Variants in RCC1L observed in about 807,000 individuals in gnomAD.
RCC1L encodes the protein RCC1 like, also known as RCC1-like G exchanging factor-like protein.
A neutral mutation model predicts 58.6 loss-of-function variants in RCC1L; 46 were observed. The observed-to-expected ratio is 0.79, with a 90% CI of 0.62 to 1.00. The LOEUF (loss-of-function observed/expected upper bound fraction) is 1.00. Ranked by LOEUF, RCC1L falls within the 50% of genes least tolerant of loss-of-function variation. The pLI, the probability that RCC1L is intolerant of heterozygous loss-of-function variation, is 0.00. For missense variants in RCC1L, 636 were observed against 623.6 expected (o/e 1.02, Z -0.21); for synonymous variants, 281 against 262.9 (o/e 1.07, Z -0.67).
At chr7:75,070,580 CA>C (rs1195915710) in intron 2 of RCC1L, 59 bp downstream of exon 2, 11 of 1,576,278 alleles carry the variant, frequency 7.0e-6, no homozygotes, top group Non-Finnish European at 9.5e-6. Context: ...AAAAAAAATA[CA>C]AAAAAAGAGC....
At chr7:75,031,160 G>A (rs913696275) in intron 10 of RCC1L, among the ~76,000 whole-genome samples, 3 of 152,250 alleles carry the variant, frequency 2.0e-5, no homozygotes, top group African/African-American at 4.8e-5. Flanking sequence ...AATCATTTCC[G>A]TTATCCTGAG....
downstream of RCC1L, among the ~76,000 whole-genome samples, chr7:75,039,276 C>T (rs958739853): frequency 2.7e-4 from 41 of 152,362 alleles, 1 homozygote; most frequent in South Asian, 8.1e-3. Flanking sequence ...GGCCCAGGCA[C>T]GGCACTGGGC....
intron 10 of RCC1L, among the ~76,000 whole-genome samples, chr7:75,030,540 T>C (rs1300066140): frequency 6.6e-6 from 1 of 152,114 alleles, no homozygotes; most frequent in Non-Finnish European, 1.5e-5. Context: ...GAGGTTGCTG[T>C]TGTCTGAAAT....
At chr7:75,038,338 G>A (rs1396451327), downstream of RCC1L, among the ~76,000 whole-genome samples, 6 of 152,066 alleles carry the variant, frequency 3.9e-5, no homozygotes, top group Non-Finnish European at 5.9e-5. Context: ...TGCAACCTCC[G>A]CCTCCCCAGT....
chr7:75,072,532 T>G (rs1270789130), intron 1 of RCC1L, among the ~76,000 whole-genome samples: 2 of 152,122 alleles, frequency 1.3e-5, no homozygotes, highest in South Asian at 4.1e-4. Context: ...AACTCAGTAC[T>G]ACAGCTACTG....
At chr7:75,055,779 A>G (rs1030914993) in intron 9 of RCC1L, 122 bp downstream of exon 9, 99 of 1,129,548 alleles carry the variant, frequency 8.8e-5, no homozygotes, top group Middle Eastern at 2.3e-4. Context: ...TTGAGTTATC[A>G]GTACAAAGGC....
chr7:75,031,370 C>T (rs954513994), intron 10 of RCC1L, among the ~76,000 whole-genome samples: 7 of 152,190 alleles, frequency 4.6e-5, no homozygotes, highest in Non-Finnish European at 7.4e-5. Flanking sequence ...CTTATCCCTA[C>T]CCCCCCGGGG....
intron 4 of RCC1L, 50 bp from the exon 5 acceptor site, chr7:75,063,393 G>T: frequency 6.3e-7 from 1 of 1,589,384 alleles, no homozygotes; most frequent in Non-Finnish European, 8.6e-7. Context: ...GTCATGACAA[G>T]CACTGTGCAG....
At chr7:75,066,218 A>G (rs964996792) in intron 3 of RCC1L, among the ~76,000 whole-genome samples, 4 of 151,768 alleles carry the variant, frequency 2.6e-5, no homozygotes, top group South Asian at 4.2e-4. Context: ...TTGGGAGGCT[A>G]AGGCGGGCGG....
chr7:75,065,964 G>A (rs1806459711), intron 3 of RCC1L, among the ~76,000 whole-genome samples: 1 of 148,424 alleles, frequency 6.7e-6, no homozygotes, highest in African/African-American at 2.5e-5. Flanking sequence ...GTTGCAGTGA[G>A]CCAAAATCAC....
chr7:75,064,730 T>TG, intron 3 of RCC1L, 82 bp from the exon 4 acceptor site: 3 of 1,496,504 alleles, frequency 2.0e-6, no homozygotes, highest in Non-Finnish European at 2.8e-6. Flanking sequence ...GTCTCGCTGG[T>TG]GGTCCCGTCC....
At chr7:75,059,421 C>T (rs1806203827) in intron 6 of RCC1L, among the ~76,000 whole-genome samples, 1 of 151,812 alleles carries the variant, frequency 6.6e-6, no homozygotes, top group East Asian at 2.0e-4. Context: ...CAGGCACGCA[C>T]CACCACAGCC....
downstream of RCC1L, among the ~76,000 whole-genome samples, chr7:75,040,556 A>C (rs1444453124): frequency 1.3e-5 from 2 of 152,158 alleles, no homozygotes; most frequent in South Asian, 4.2e-4. Context: ...GAGACCCTCC[A>C]TCCCCCATCC....
intron 7 of RCC1L, 58 bp downstream of exon 7, chr7:75,058,530 C>G (rs1806155553): frequency 1.3e-6 from 2 of 1,549,110 alleles, no homozygotes; most frequent in Non-Finnish European, 1.7e-6. Context: ...CACACCCGGC[C>G]CCTTAACACT....
intron 7 of RCC1L, 111 bp from the exon 8 acceptor site, chr7:75,057,727 C>A: frequency 1.1e-6 from 1 of 926,060 alleles, no homozygotes; most frequent in Non-Finnish European, 1.8e-6. Flanking sequence ...ATTCACTCCA[C>A]AGATACTTCC....
intron 10 of RCC1L, among the ~76,000 whole-genome samples, chr7:75,047,357 C>A (rs2131981318): frequency 6.6e-6 from 1 of 152,264 alleles, no homozygotes; most frequent in South Asian, 2.1e-4. Context: ...GCTTCCAACT[C>A]CTGGGCTCAA....
chr7:75,027,213 G>A (rs1805159967), exon 11 of RCC1L: 1 of 152,260 alleles, frequency 6.6e-6, no homozygotes, highest in South Asian at 2.1e-4. Flanking sequence ...AGAGAACAAA[G>A]CCAGCAGCTC....
chr7:75,063,050 C>T (rs1007380317), intron 5 of RCC1L, among the ~76,000 whole-genome samples: 15 of 151,704 alleles, frequency 9.9e-5, no homozygotes, highest in African/African-American at 3.2e-4. Flanking sequence ...CCACCTGTCT[C>T]GGCCTCCCAA....
chr7:75,044,803 G>A (rs1285465506), intron 10 of RCC1L, among the ~76,000 whole-genome samples: 2 of 151,590 alleles, frequency 1.3e-5, no homozygotes, highest in Non-Finnish European at 2.9e-5. Flanking sequence ...TTGGGAGGCC[G>A]CGGTGGGCAG....
Sources: gnomAD v4.1 joint callset for allele counts (sites outside exome capture counted in the v4.1 genomes callset) on GRCh38, gnomAD v4.1.1 for gene constraint, MANE v1.5 for transcripts, NCBI Gene and HGNC (gene_info 2026-07-23, HGNC 2026-07-21) for gene names.